Variants in DLGAP1 observed in about 807,000 individuals in gnomAD.
DLGAP1 encodes the protein DLG associated protein 1.
DLGAP1 carries 11 observed loss-of-function variants against 90.8 expected under a neutral mutation model. The observed-to-expected ratio is 0.12, with a 90% CI of 0.08 to 0.20. The LOEUF is 0.20. DLGAP1 is among the 10% of genes least tolerant of loss of function. The pLI is 1.00. For missense variants in DLGAP1, 1,050 were observed against 1,333.8 expected (o/e 0.79, Z 3.31); for synonymous variants, 558 against 540.7 (o/e 1.03, Z -0.44).
At chr18:4,035,955 T>G (rs758596468) in intron 2 of DLGAP1, among the ~76,000 whole-genome samples, 9 of 152,148 alleles carry the variant, frequency 5.9e-5, no homozygotes, top group Non-Finnish European at 1.2e-4. Context: ...ACATAAATTC[T>G]TAGTCTACTA....
chr18:4,208,691 C>CCT lies in DLGAP1; in HGVS notation c.-266-57406_-266-57405dup, dbSNP rs142299103. On this transcript the variant is annotated intron_variant, in intron 1 of 12. Transcript: ENST00000315677. ...TTGACTCAAAGTATTTAAGATGCTCCCTCTCTCACCAACACCAAGAGGGTG... is the reference window on the plus strand; with the variant it reads ...TTGACTCAAAGTATTTAAGATGCTCCCTCTCTCTCACCAACACCAAGAGGGTG... Among the ~76,000 whole-genome samples the CCT allele has an allele frequency of 3.0e-3, 461 of 151,884 alleles. 2 individuals carry two copies. The highest frequency in any genetic ancestry group is 0.01 in the African/African-American group (431 of 41,406).
chr18:3,741,847 CT>C (rs200079832), intron 6 of DLGAP1, among the ~76,000 whole-genome samples: 1 of 142,604 alleles, frequency 7.0e-6, no homozygotes, highest in Non-Finnish European at 1.5e-5. Context: ...TTTTCTTTTT[CT>C]TTTTTTTTAA....
At chr18:4,270,800 C>T (rs2079261182) in intron 1 of DLGAP1, among the ~76,000 whole-genome samples, 1 of 152,150 alleles carries the variant, frequency 6.6e-6, no homozygotes, top group Non-Finnish European at 1.5e-5. Context: ...TTTTATAGAA[C>T]TGCAGTCATG....
At chr18:4,098,328 G>T (rs1190287571) in intron 2 of DLGAP1, among the ~76,000 whole-genome samples, 1 of 152,150 alleles carries the variant, frequency 6.6e-6, no homozygotes, top group African/African-American at 2.4e-5. Flanking sequence ...TGGGGAAAAG[G>T]TTAAATGTCT....
At chr18:4,242,005 G>T (rs903960646) in intron 1 of DLGAP1, among the ~76,000 whole-genome samples, 5 of 152,052 alleles carry the variant, frequency 3.3e-5, no homozygotes, top group African/African-American at 1.2e-4. Flanking sequence ...TATCTGGGAT[G>T]GTCATCTGCC....
At position 4,106,031 on chromosome 18, in the gene DLGAP1, C is replaced by CAAAAAA. The variant is rs60176243; in HGVS notation, c.-159+45143_-159+45148dup. Reference sequence around the variant, plus strand: ...TGGGCGACAGAGCGAGGGTCCGTCTCAAAAAAAAAAAAAAAAAAAAAAAAA... The same window carrying CAAAAAA: ...TGGGCGACAGAGCGAGGGTCCGTCTCAAAAAAAAAAAAAAAAAAAAAAAAAAAAAAA... On this transcript the variant is annotated intron_variant, in intron 2 of 12. Coordinates refer to ENST00000315677, the MANE Select transcript of DLGAP1 (RefSeq NM_004746.4). Among the ~76,000 whole-genome samples, 87 of 102,254 alleles carry CAAAAAA rather than the reference C, an allele frequency of 8.5e-4. 2 individuals are homozygous for CAAAAAA. The highest frequency in any genetic ancestry group is 2.6e-3 in the African/African-American group (78 of 29,826). The allele number at this position is 102,254 out of a possible 152,430, so 67.1% of individuals were successfully genotyped here.
chr18:4,101,513 C>A (rs760376262), intron 2 of DLGAP1, among the ~76,000 whole-genome samples: 1 of 152,064 alleles, frequency 6.6e-6, no homozygotes, highest in Non-Finnish European at 1.5e-5. Context: ...TACAGAGACA[C>A]AAAGTAGGCA....
chr18:4,341,829 T>C (rs1174668565), intron 1 of DLGAP1, among the ~76,000 whole-genome samples: 1 of 152,020 alleles, frequency 6.6e-6, no homozygotes, highest in African/African-American at 2.4e-5. Context: ...TCTCAAAGAG[T>C]CTTTGAAAGA....
chr18:4,169,168 G>T (rs559923207), intron 1 of DLGAP1, among the ~76,000 whole-genome samples: 1 of 152,194 alleles, frequency 6.6e-6, no homozygotes, highest in East Asian at 1.9e-4. Flanking sequence ...ATTACCACTT[G>T]CAATGCACAA....
At chr18:4,184,720 A>T (rs975713997) in intron 1 of DLGAP1, among the ~76,000 whole-genome samples, 2 of 152,018 alleles carry the variant, frequency 1.3e-5, no homozygotes, top group Non-Finnish European at 2.9e-5. Context: ...ATTTTTTAGG[A>T]GTGCAATCTA....
At chr18:4,371,562 A>G (rs2081917316) in intron 1 of DLGAP1, among the ~76,000 whole-genome samples, 1 of 152,210 alleles carries the variant, frequency 6.6e-6, no homozygotes, top group Non-Finnish European at 1.5e-5. Flanking sequence ...GGACTGCCCT[A>G]AGCTTTTTGG....
chr18:3,591,984 C>A (rs2056272698), intron 7 of DLGAP1, among the ~76,000 whole-genome samples: 1 of 152,106 alleles, frequency 6.6e-6, no homozygotes. Flanking sequence ...GGCTGGGAGG[C>A]TATAGCAATT....
chr18:4,281,083 G>T (rs939793313), intron 1 of DLGAP1: 8 of 152,146 alleles, frequency 5.3e-5, no homozygotes, highest in African/African-American at 1.9e-4. Context: ...TGTCTTTCTA[G>T]TTCCATCTTC....
intron 3 of DLGAP1, among the ~76,000 whole-genome samples, chr18:3,991,100 G>C (rs2073958051): frequency 6.6e-6 from 1 of 151,882 alleles, no homozygotes; most frequent in African/African-American, 2.4e-5. Flanking sequence ...CAGGTAATCA[G>C]CATAAAACTT....
In DLGAP1 at chr18:4,342,917, T is replaced by C. The variant is rs1006785730; in HGVS notation, c.-267+112089A>G. Among the ~76,000 whole-genome samples, 1 of 152,194 alleles carries C rather than the reference T, an allele frequency of 6.6e-6. No individual in the cohort carries two copies. The highest frequency in any genetic ancestry group is 1.5e-5 in the Non-Finnish European group (1 of 68,024). On this transcript the variant is annotated intron_variant, in intron 1 of 12. Transcript: ENST00000315677. This position sits in a 1 kb window ranked among gnomAD's most constrained non-coding sequence, Gnocchi z 5.8. Reference sequence around the variant, plus strand: ...CAATATCAGATCTGAATATGAGAGATGAAGCCAAAATTTTTGGCTTTATAA... The same window carrying C: ...CAATATCAGATCTGAATATGAGAGACGAAGCCAAAATTTTTGGCTTTATAA...
At position 3,975,681 on chromosome 18, in the gene DLGAP1, TAAG is replaced by T. The variant is rs374593986; in HGVS notation, c.-73+29432_-73+29434del. On this transcript the variant is annotated intron_variant, in intron 3 of 12. Transcript: ENST00000315677. ...AAAAAGTGAAGCAACCCAAGTGCCC[TAAG>T]AAGAATGAATGGATACAAAATGTGA... is the stretch of plus-strand genomic sequence containing the variant. Among the ~76,000 whole-genome samples, 365 of 152,250 alleles carry T rather than the reference TAAG, an allele frequency of 2.4e-3. 1 individual carries two copies. The highest frequency in any genetic ancestry group is 8.2e-3 in the African/African-American group (342 of 41,528).
intron 2 of DLGAP1, among the ~76,000 whole-genome samples, chr18:4,139,185 C>A (rs2076455099): frequency 6.6e-6 from 1 of 151,704 alleles, no homozygotes; most frequent in South Asian, 2.1e-4. Context: ...GGTTTGCTCT[C>A]ACTTTTCTAG....
At chr18:3,677,664 C>T (rs1567948150) in intron 7 of DLGAP1, among the ~76,000 whole-genome samples, 2 of 151,986 alleles carry the variant, frequency 1.3e-5, no homozygotes, top group East Asian at 3.9e-4. Flanking sequence ...TTTCTTTTTT[C>T]TTTTTTTTAT....
chr18:3,977,533 T>C (rs2073618897), intron 3 of DLGAP1: 1 of 163,040 alleles, frequency 6.1e-6, no homozygotes, highest in Non-Finnish European at 1.2e-5. Context: ...GGGGTCTGCA[T>C]GGAAACTGTG....
Sources: gnomAD v4.1 joint callset for allele counts (sites outside exome capture counted in the v4.1 genomes callset) on GRCh38, gnomAD v4.1.1 for gene constraint, Gnocchi (gnomAD v3.1) non-coding constraint, MANE v1.5 for transcripts, NCBI Gene and HGNC (gene_info 2026-07-23, HGNC 2026-07-21) for gene names.